The following PRORP variants were observed in gnomAD, a reference collection of about 807,000 sequenced individuals.
The protein encoded by PRORP is mitochondrial ribonuclease P catalytic subunit.
Under a neutral mutation model 59.4 loss-of-function variants are expected in PRORP, and 51 were observed. The ratio of observed to expected loss-of-function variants is 0.86; its 90% CI spans 0.69 to 1.08. The LOEUF is 1.08. Ranked by LOEUF, PRORP falls within the 50% of genes least tolerant of loss-of-function variation. The pLI, the probability that PRORP is intolerant of heterozygous loss-of-function variation, is 0.00. For missense variants in PRORP, 646 were observed against 690.3 expected (o/e 0.94, Z 0.72); for synonymous variants, 231 against 245.6 (o/e 0.94, Z 0.55).
intron 5 of PRORP, among the ~76,000 whole-genome samples, chr14:35,199,633 C>A (rs1055578098): frequency 1.3e-5 from 2 of 152,200 alleles, no homozygotes; most frequent in Non-Finnish European, 2.9e-5. Flanking sequence ...AGATACAGAA[C>A]CTGCTGGCAT....
intron 4 of PRORP, among the ~76,000 whole-genome samples, chr14:35,170,204 T>A (rs921270002): frequency 6.6e-6 from 1 of 152,166 alleles, no homozygotes; most frequent in Admixed American, 6.5e-5. Flanking sequence ...GATAAGTACA[T>A]CTATTATAGA....
chr14:35,257,118 G>C (rs199995339), intron 5 of PRORP, among the ~76,000 whole-genome samples: 1 of 151,904 alleles, frequency 6.6e-6, no homozygotes, highest in East Asian at 1.9e-4. Flanking sequence ...CAAGTGATTT[G>C]CCCGCCTCAG....
chr14:35,132,784 CAAAA>C (rs142694889), intron 4 of PRORP, among the ~76,000 whole-genome samples: 11 of 72,614 alleles, frequency 1.5e-4, no homozygotes, highest in African/African-American at 4.1e-4. Flanking sequence ...GAGACTCCAT[CAAAA>C]AAAAAAAAAA....
At chr14:35,129,642 T>A (rs1239601563) in intron 4 of PRORP, among the ~76,000 whole-genome samples, 3 of 147,088 alleles carry the variant, frequency 2.0e-5, no homozygotes. Context: ...GCCCAGCAAA[T>A]TTTTTTTTTT....
At chr14:35,163,227 A>G (rs1379043571) in intron 4 of PRORP, among the ~76,000 whole-genome samples, 2 of 152,156 alleles carry the variant, frequency 1.3e-5, no homozygotes, top group Non-Finnish European at 2.9e-5. Flanking sequence ...TTTTAACACA[A>G]CACAGATACA....
intron 5 of PRORP, among the ~76,000 whole-genome samples, chr14:35,236,051 G>A (rs2050202232): frequency 7.0e-6 from 1 of 142,550 alleles, no homozygotes; most frequent in Non-Finnish European, 1.5e-5. Flanking sequence ...AGCCGAGATT[G>A]TGCCACTGCA....
intron 5 of PRORP, among the ~76,000 whole-genome samples, chr14:35,255,202 A>G (rs1052341781): frequency 2.0e-5 from 3 of 152,102 alleles, no homozygotes; most frequent in Non-Finnish European, 4.4e-5. Context: ...ATCTCGGCTC[A>G]CTGCAACCTC....
At chr14:35,212,535 A>G (rs192694412) in intron 5 of PRORP, among the ~76,000 whole-genome samples, 2 of 152,302 alleles carry the variant, frequency 1.3e-5, no homozygotes, top group East Asian at 3.9e-4. Context: ...TATCTCCATA[A>G]GAGCTCTTGG....
intron 5 of PRORP, chr14:35,235,609 A>T: frequency 2.1e-6 from 1 of 479,624 alleles, no homozygotes; most frequent in Non-Finnish European, 3.9e-6. Flanking sequence ...CTTTGCCAGC[A>T]GCTTTCTTCT....
chr14:35,189,646 T>C (rs1337640893), intron 5 of PRORP, among the ~76,000 whole-genome samples: 1 of 152,100 alleles, frequency 6.6e-6, no homozygotes, highest in African/African-American at 2.4e-5. Context: ...AGCCACAAGG[T>C]TAGGCTAATG....
chr14:35,206,634 C>CCA (rs2049301854), intron 5 of PRORP, among the ~76,000 whole-genome samples: 1 of 152,174 alleles, frequency 6.6e-6, no homozygotes, highest in Non-Finnish European at 1.5e-5. Context: ...AGTCTATAGA[C>CCA]TAGCAACATC....
In PRORP at chr14:35,123,271, G is replaced by A; in HGVS notation, c.26G>A (p.Arg9Gln). The A allele has an allele frequency of 6.2e-7, 1 of 1,611,284 alleles. No individual in the cohort carries two copies. The highest frequency in any genetic ancestry group is 8.5e-7 in the Non-Finnish European group (1 of 1,179,014). The change falls in exon 2 of 8, where the codon CGA becomes CAA. Residue 9 changes from arginine (R) to glutamine (Q), a missense_variant. Transcript: ENST00000534898. ...ATGACTTTCTATTTGTTTGGTATTC[G>A]AAGCTTTCCGAAGCTTTGGAAGAGC... Reference protein sequence around the residue: MTFYLFGIRSFPKLWKSPY... With the variant: MTFYLFGIQSFPKLWKSPY...
intron 5 of PRORP, among the ~76,000 whole-genome samples, chr14:35,261,877 C>T (rs1297052101): frequency 6.7e-6 from 1 of 149,908 alleles, no homozygotes; most frequent in Non-Finnish European, 1.5e-5. Flanking sequence ...GCACACTCAT[C>T]TTTTTCCCTG....
intron 5 of PRORP, among the ~76,000 whole-genome samples, chr14:35,228,082 G>T (rs944295788): frequency 6.6e-6 from 1 of 152,186 alleles, no homozygotes; most frequent in African/African-American, 2.4e-5. Context: ...AGTGGAGGTT[G>T]CAGTGAGCCA....
At chr14:35,267,322 C>G (rs1165922406) in intron 6 of PRORP, among the ~76,000 whole-genome samples, 1 of 152,048 alleles carries the variant, frequency 6.6e-6, no homozygotes, top group Non-Finnish European at 1.5e-5. Context: ...GTGATTAGTA[C>G]TATGGGGACA....
intron 5 of PRORP, among the ~76,000 whole-genome samples, chr14:35,226,726 A>G (rs1042667733): frequency 5.6e-5 from 8 of 143,184 alleles, no homozygotes; most frequent in Non-Finnish European, 1.2e-4. Flanking sequence ...ACAAGCAAAA[A>G]TTATTATTAT....
rs1034956004 is a variant in PRORP at position 35,246,777 on chromosome 14, A to C, written c.1276-19950A>C. Among the ~76,000 whole-genome samples, 6 of 152,224 alleles carry C rather than the reference A, an allele frequency of 3.9e-5. No homozygotes were observed. The East Asian group carries it at 7.7e-4, about 20-fold the overall frequency. On this transcript the variant is annotated intron_variant, in intron 5 of 7. Coordinates refer to ENST00000534898, the MANE Select transcript of PRORP (RefSeq NM_014672.4). ...GTTGACAGAGATTATCACAAAAACCACCCAAATGTGTGATAATGCCAAAAG... is the reference window on the plus strand; with the variant it reads ...GTTGACAGAGATTATCACAAAAACCCCCCAAATGTGTGATAATGCCAAAAG...
chr14:35,167,753 C>T (rs541485628), intron 4 of PRORP, among the ~76,000 whole-genome samples: 2 of 152,162 alleles, frequency 1.3e-5, no homozygotes, highest in East Asian at 3.8e-4. Flanking sequence ...CCCTGTTTTT[C>T]CACATCTGCT....
At chr14:35,195,684 T>C (rs1010767640) in intron 5 of PRORP, among the ~76,000 whole-genome samples, 4 of 152,132 alleles carry the variant, frequency 2.6e-5, no homozygotes, top group African/African-American at 9.7e-5. Flanking sequence ...AAACTTGAGT[T>C]TGAGAAACTC....
Sources: gnomAD v4.1 joint callset for allele counts (sites outside exome capture counted in the v4.1 genomes callset) on GRCh38, gnomAD v4.1.1 for gene constraint, MANE v1.5 for transcripts, NCBI Gene and HGNC (gene_info 2026-07-23, HGNC 2026-07-21) for gene names.